The following CPSF4 variants were observed in gnomAD, a reference collection of about 807,000 sequenced individuals.
CPSF4 encodes the protein cleavage and polyadenylation specificity factor subunit 4.
CPSF4 carries 11 observed loss-of-function variants against 37.7 expected under a neutral mutation model. The ratio of observed to expected loss-of-function variants is 0.29; its 90% confidence interval spans 0.18 to 0.48. The LOEUF is 0.48. Ranked by LOEUF, CPSF4 falls within the 20% of genes least tolerant of loss-of-function variation. The pLI is 0.99. For synonymous variants in CPSF4, 132 were observed against 135.9 expected (o/e 0.97, Z 0.20); for missense variants, 144 against 359.5 (o/e 0.40, Z 4.85).
rs45529733 is a variant in CPSF4, at chr7:99,446,041, G to A, written c.154+1202G>A. On this transcript the variant is annotated intron_variant, in intron 2 of 7. Transcript: ENST00000292476. The stretch of plus-strand genomic sequence containing the variant: ...AAAGAGAGCAGAGAATCAGAGCAAA[G>A]GGCTGGTTTTAATGAATGGTTTTGG... Among the ~76,000 whole-genome samples the A allele has an allele frequency of 4.1e-3, 630 of 152,342 alleles. 5 individuals are homozygous for A. Among genetic ancestry groups the A allele is most frequent in the African/African-American group, 0.015 (611 of 41,586 alleles).
At chr7:99,440,655 C>CGCGCATATATATATATATATATATAT (rs1363427698) in intron 1 of CPSF4, among the ~76,000 whole-genome samples, 2 of 90,634 alleles carry the variant, frequency 2.2e-5, no homozygotes, top group African/African-American at 1.7e-4. Flanking sequence ...CTGCACCTGG[C>CGCGCATATATATATATATATATATAT]ATATATATAT....
In CPSF4 at chr7:99,456,424, G is replaced by C; in HGVS notation, c.742-8G>C. On this transcript the variant is annotated splice_region_variant and splice_polypyrimidine_tract_variant and intron_variant, in intron 7 of 7. Coordinates refer to ENST00000292476, the MANE Select transcript of CPSF4 (RefSeq NM_006693.4). ...CTCTCCTCTTCCCCCACTTCCTGCT[G>C]TTCCCAGTGTGGCGAGAAAGGACAC... 6.2e-7 allele frequency: 1 copy of C among 1,614,006 alleles called. No homozygotes were observed.
At position 99,443,082 on chromosome 7, in the gene CPSF4, AC is replaced by A. The variant is rs780821253; in HGVS notation, c.104-1705del. ...TCTTTCCTTCGGCTTATCCAAGTTA[AC>A]CATAGGTGTGTTCAGATGACAGACT... On this transcript the variant is annotated intron_variant, in intron 1 of 7. Transcript: ENST00000292476. 4 of 951,242 alleles carry A rather than the reference AC, an allele frequency of 4.2e-6. No homozygotes were observed. In the African/African-American group the frequency reaches 6.4e-5, roughly 15 times the overall value. 58.9% of individuals were successfully genotyped at this position (951,242 alleles called of 1,614,324 possible). A position where few individuals can be genotyped will look rare whatever the true frequency, so the allele number is the denominator to read the frequency against.
intron 6 of CPSF4, chr7:99,452,770 C>T: frequency 3.4e-6 from 1 of 290,776 alleles, no homozygotes; most frequent in Non-Finnish European, 6.6e-6. Flanking sequence ...GGCCTGGGCA[C>T]CGTGTCTGCT....
chr7:99,454,535 CCT>C lies in CPSF4; in HGVS notation c.741+400_741+401del, dbSNP rs1798171902. On this transcript the variant is annotated intron_variant, in intron 7 of 7. Transcript: ENST00000292476. ...AAACAGGACACTGGGTTACAGCACCCCTGTCCCCATCCCCTCCCCCAGTACAT... is the reference window on the plus strand; with the variant it reads ...AAACAGGACACTGGGTTACAGCACCCGTCCCCATCCCCTCCCCCAGTACAT... Among the ~76,000 whole-genome samples, 4 of 152,150 alleles carry C rather than the reference CCT, an allele frequency of 2.6e-5. No individual in the cohort carries two copies. In the South Asian group the frequency reaches 8.3e-4, roughly 32 times the overall value.
chr7:99,439,401 A>C, intron 1 of CPSF4: 1 of 466,896 alleles, frequency 2.1e-6, no homozygotes, highest in Non-Finnish European at 3.8e-6. Context: ...TAGTTACCGA[A>C]CTCCCTCATC....
intron 1 of CPSF4, among the ~76,000 whole-genome samples, chr7:99,442,050 A>G (rs938366849): frequency 2.6e-5 from 4 of 152,230 alleles, no homozygotes; most frequent in African/African-American, 7.2e-5. Flanking sequence ...CATAAGTTCT[A>G]TAACCTCAGC....
intron 1 of CPSF4, 199 bp downstream of exon 1, chr7:99,439,384 T>C: frequency 4.0e-6 from 2 of 496,954 alleles, no homozygotes; most frequent in Non-Finnish European, 7.1e-6. Context: ...CCTGGGATCC[T>C]CCCCTTTAGT....
chr7:99,456,791 A>G lies in CPSF4; in HGVS notation c.*291A>G, dbSNP rs556134098. 2 of 499,284 alleles carry G rather than the reference A, an allele frequency of 4.0e-6. No homozygotes were observed. Among genetic ancestry groups the G allele is most frequent in the South Asian group, 3.9e-5 (2 of 51,724 alleles). 30.9% of individuals were successfully genotyped at this position (499,284 alleles called of 1,614,324 possible). On this transcript the variant is annotated 3_prime_UTR_variant, in exon 8 of 8. Transcript: ENST00000292476. ...ACTCCCCTCATCCAGGGAGGGAGGC[A>G]GCTGCTGGGGAGGGGCTTGGCTAGG... is the stretch of plus-strand genomic sequence containing the variant.
intron 1 of CPSF4, chr7:99,439,538 C>T (rs1249583396): frequency 4.5e-6 from 1 of 221,690 alleles, no homozygotes; most frequent in Non-Finnish European, 8.8e-6. Context: ...TCCTTTTACC[C>T]TCACTCGGAC....
intron 3 of CPSF4, among the ~76,000 whole-genome samples, chr7:99,449,532 G>A (rs1056812844): frequency 2.0e-5 from 3 of 152,246 alleles, no homozygotes; most frequent in South Asian, 2.1e-4. Flanking sequence ...GGTGCAGGAC[G>A]CACTGTCTGC....
At chr7:99,441,357 G>A in intron 1 of CPSF4, 1 of 455,398 alleles carries the variant, frequency 2.2e-6, no homozygotes, top group Non-Finnish European at 4.4e-6. Context: ...ACAAGCCTGT[G>A]AGGGGAGGTA....
intron 5 of CPSF4, 39 bp downstream of exon 5, chr7:99,450,834 G>T: frequency 1.4e-6 from 2 of 1,480,188 alleles, no homozygotes; most frequent in Non-Finnish European, 1.9e-6. Flanking sequence ...CCCAGCTCCC[G>T]GCCCAGGCCC....
intron 1 of CPSF4, chr7:99,441,265 T>C: frequency 2.6e-6 from 1 of 379,650 alleles, no homozygotes; most frequent in Non-Finnish European, 5.3e-6. Flanking sequence ...TTTTCCTGTC[T>C]TGATGGCACT....
At chr7:99,444,042 G>A (rs113865145) in intron 1 of CPSF4, among the ~76,000 whole-genome samples, 9 of 152,294 alleles carry the variant, frequency 5.9e-5, no homozygotes, top group African/African-American at 1.9e-4. Flanking sequence ...CTTGAAGCCT[G>A]ACCCTCCTCA....
chr7:99,454,283 C>T, intron 7 of CPSF4, 147 bp downstream of exon 7: 1 of 785,214 alleles, frequency 1.3e-6, no homozygotes, highest in South Asian at 1.8e-5. Flanking sequence ...TAGTTACCAT[C>T]CACTGTGGTG....
At chr7:99,443,860 G>A (rs1205490118) in intron 1 of CPSF4, among the ~76,000 whole-genome samples, 2 of 151,994 alleles carry the variant, frequency 1.3e-5, no homozygotes, top group African/African-American at 2.4e-5. Context: ...CAGAGGTTAC[G>A]GTGAGCCAAG....
chr7:99,454,236 A>G (rs528792174), intron 7 of CPSF4, 100 bp downstream of exon 7: 2 of 1,144,660 alleles, frequency 1.7e-6, no homozygotes, highest in African/African-American at 3.1e-5. Context: ...AAATGAAAAC[A>G]TTCATTTTTG....
intron 1 of CPSF4, among the ~76,000 whole-genome samples, chr7:99,440,674 A>T (rs868302944): frequency 0.027 from 2,338 of 88,094 alleles, 102 homozygotes; most frequent in South Asian, 0.03. Flanking sequence ...ATATATATAT[A>T]TTTTTTTTTT....
Sources: allele counts gnomAD v4.1 joint callset (sites outside exome capture counted in the v4.1 genomes callset), GRCh38; gene constraint gnomAD v4.1.1; transcripts MANE v1.5; gene names NCBI Gene and HGNC (gene_info 2026-07-23, HGNC 2026-07-21).